Variants in PPA2 observed in about 807,000 individuals in gnomAD.
PPA2 encodes inorganic pyrophosphatase 2, mitochondrial.
A neutral mutation model predicts 49.5 loss-of-function variants in PPA2; 48 were observed. The observed-to-expected ratio is 0.97, with a 90% CI of 0.77 to 1.23. The LOEUF is 1.23. Ranked by LOEUF, PPA2 falls within the 50% of genes most tolerant of loss-of-function variation. PPA2 has a pLI of 0.00. For missense variants in PPA2, 429 were observed against 410.1 expected (o/e 1.05, Z -0.40); for synonymous variants, 131 against 139.9 (o/e 0.94, Z 0.45).
At chr4:105,401,123 G>A (rs1030349864) in intron 7 of PPA2, among the ~76,000 whole-genome samples, 2 of 152,030 alleles carry the variant, frequency 1.3e-5, no homozygotes, top group African/African-American at 2.4e-5. Flanking sequence ...CAGCTAAAGT[G>A]TATAAACTTA....
In PPA2 at chr4:105,440,639, C is replaced by T. The variant is rs539722020; in HGVS notation, c.442-2603G>A. Among the ~76,000 whole-genome samples, 14 of 152,266 alleles carry T rather than the reference C, an allele frequency of 9.2e-5. No homozygotes were observed. The South Asian group carries it at 1.9e-3, about 20-fold the overall frequency. ...TCATTTACAATCTGCATGAATGCTACCAGTGAACATGAAGCCCACATACTT... is the reference window on the plus strand; with the variant it reads ...TCATTTACAATCTGCATGAATGCTATCAGTGAACATGAAGCCCACATACTT... On this transcript the variant is annotated intron_variant, in intron 5 of 11. Coordinates refer to ENST00000341695, the MANE Select transcript of PPA2 (RefSeq NM_176869.3).
At chr4:105,404,604 AG>A (rs1373372620) in intron 7 of PPA2, among the ~76,000 whole-genome samples, 1 of 152,216 alleles carries the variant, frequency 6.6e-6, no homozygotes, top group Non-Finnish European at 1.5e-5. Flanking sequence ...AATCCAGAAT[AG>A]GGAAGAAGAA....
At chr4:105,466,255 T>A (rs1322411575) in intron 1 of PPA2, among the ~76,000 whole-genome samples, 2 of 152,050 alleles carry the variant, frequency 1.3e-5, no homozygotes, top group Non-Finnish European at 2.9e-5. Flanking sequence ...TTTTTCCCAT[T>A]TAATTTTTAA....
chr4:105,396,762 AG>A (rs1316140286), intron 8 of PPA2, among the ~76,000 whole-genome samples: 2 of 152,186 alleles, frequency 1.3e-5, no homozygotes, highest in Non-Finnish European at 2.9e-5. Flanking sequence ...GACCCATTAC[AG>A]AAAAAAGTTT....
At chr4:105,468,758 C>A (rs980848477) in intron 1 of PPA2, among the ~76,000 whole-genome samples, 3 of 152,178 alleles carry the variant, frequency 2.0e-5, no homozygotes, top group Non-Finnish European at 4.4e-5. Flanking sequence ...CCTCTCAGCT[C>A]TTCATTCACT....
At chr4:105,468,346 G>A (rs2110333277) in intron 1 of PPA2, among the ~76,000 whole-genome samples, 1 of 152,326 alleles carries the variant, frequency 6.6e-6, no homozygotes, top group Admixed American at 6.5e-5. Flanking sequence ...GGTTCAGCAA[G>A]GGAGAATGTG....
chr4:105,466,898 C>T (rs111829183), intron 1 of PPA2, among the ~76,000 whole-genome samples: 13 of 152,220 alleles, frequency 8.5e-5, no homozygotes, highest in African/African-American at 2.9e-4. Context: ...CCTTACCAGT[C>T]GAATGTCCCT....
chr4:105,467,620 G>A (rs1723359079), intron 1 of PPA2, among the ~76,000 whole-genome samples: 1 of 152,170 alleles, frequency 6.6e-6, no homozygotes, highest in African/African-American at 2.4e-5. Flanking sequence ...GGCTAAGGGT[G>A]GAAGCAGGGT....
intron 3 of PPA2, among the ~76,000 whole-genome samples, chr4:105,450,021 C>G (rs1578874065): frequency 1.3e-5 from 2 of 152,190 alleles, no homozygotes; most frequent in South Asian, 4.1e-4. Flanking sequence ...CCTAAAGTTA[C>G]AAACTCACTA....
intron 10 of PPA2, among the ~76,000 whole-genome samples, chr4:105,374,690 T>C (rs2636694): frequency 0.13 from 19,413 of 152,122 alleles, 1,600 homozygotes; most frequent in East Asian, 0.43. Flanking sequence ...TGAACCAATA[T>C]AAAGTATCCT....
intron 7 of PPA2, among the ~76,000 whole-genome samples, chr4:105,408,596 A>C (rs1393221873): frequency 6.6e-6 from 1 of 152,212 alleles, no homozygotes; most frequent in Admixed American, 6.5e-5. Context: ...ATCTGGTGAC[A>C]AACTGTGGTA....
chr4:105,462,713 C>G (rs182899696), intron 1 of PPA2, among the ~76,000 whole-genome samples: 7 of 152,248 alleles, frequency 4.6e-5, no homozygotes, highest in African/African-American at 1.4e-4. Context: ...TGAATTCCCA[C>G]GTGTTGTGGG....
intron 1 of PPA2, among the ~76,000 whole-genome samples, chr4:105,471,871 C>G (rs1190957619): frequency 6.6e-6 from 1 of 152,130 alleles, no homozygotes; most frequent in Non-Finnish European, 1.5e-5. Flanking sequence ...CCAGTTTTTG[C>G]CCATTTACCT....
At chr4:105,449,544 T>C (rs2110306182) in intron 3 of PPA2, 141 bp from the exon 4 acceptor site, 2 of 504,232 alleles carry the variant, frequency 4.0e-6, no homozygotes, top group Non-Finnish European at 3.5e-6. Context: ...TACCTATGCC[T>C]TAAATTTTTT....
intron 7 of PPA2, among the ~76,000 whole-genome samples, chr4:105,407,534 AT>A (rs5860797): frequency 0.66 from 99,796 of 151,984 alleles, 32,874 homozygotes; most frequent in East Asian, 0.71. Context: ...AAGACTTGTA[AT>A]TTCACTGTTC....
At chr4:105,406,655 A>G (rs1031087876) in intron 7 of PPA2, among the ~76,000 whole-genome samples, 1 of 152,236 alleles carries the variant, frequency 6.6e-6, no homozygotes, top group Admixed American at 6.5e-5. Context: ...ATCCATGCAT[A>G]TGAAAGTCTC....
chr4:105,394,369 A>C (rs1370856039), intron 9 of PPA2, among the ~76,000 whole-genome samples: 1 of 96,782 alleles, frequency 1.0e-5, no homozygotes, highest in Non-Finnish European at 2.2e-5. Context: ...GCAAGATTCC[A>C]TTTCAAAAAA....
chr4:105,387,039 A>G (rs1021858002), intron 9 of PPA2, among the ~76,000 whole-genome samples: 2 of 152,186 alleles, frequency 1.3e-5, no homozygotes, highest in African/African-American at 4.8e-5. Context: ...TTAGCTACTG[A>G]AAGTTTTTGC....
rs1413740798 is a variant in PPA2 at position 105,369,410 on chromosome 4, A to C, written c.*315T>G. The C allele has an allele frequency of 8.4e-6, 2 of 237,040 alleles. No homozygotes were observed. The highest frequency in any genetic ancestry group is 6.9e-5 in the South Asian group (1 of 14,512). 14.7% of individuals were successfully genotyped at this position (237,040 alleles called of 1,614,324 possible). On this transcript the variant is annotated 3_prime_UTR_variant, in exon 12 of 12. Transcript: ENST00000341695. Reference sequence around the variant, plus strand: ...TGGCTAATTTTTGTATTTTTAATAGAGATGGGGTTTCAACATACTGGCCAG... The same window carrying C: ...TGGCTAATTTTTGTATTTTTAATAGCGATGGGGTTTCAACATACTGGCCAG...
Sources: allele counts gnomAD v4.1 joint callset (sites outside exome capture counted in the v4.1 genomes callset), GRCh38; gene constraint gnomAD v4.1.1; transcripts MANE v1.5; gene names NCBI Gene and HGNC (gene_info 2026-07-23, HGNC 2026-07-21).